Variants in RAG1 observed in about 807,000 individuals in gnomAD.
RAG1 encodes the protein V(D)J recombination-activating protein 1.
In RAG1, 35 loss-of-function variants were observed where a neutral mutation model predicts 62.7. That is an observed-to-expected ratio of 0.56 (90% CI 0.43 to 0.74). RAG1 has a LOEUF of 0.74. RAG1 is among the 30% of genes least tolerant of loss of function. RAG1 has a pLI of 0.00. For synonymous variants in RAG1, 461 were observed against 470.3 expected, an observed-to-expected ratio of 0.98 and a Z score of 0.26; for missense variants, 1,169 against 1,278.6, an observed-to-expected ratio of 0.91 and a Z score of 1.31.
At chr11:36,524,107 T>C (rs902206556) in intron 2 of RAG1, among the ~76,000 whole-genome samples, 1 of 152,186 alleles carries the variant, frequency 6.6e-6, no homozygotes, top group Admixed American at 6.5e-5. Context: ...AACATTCCTG[T>C]GGCAGGTTTC....
chr11:36,569,618 A>G (rs532267338), intron 1 of RAG1, among the ~76,000 whole-genome samples: 1 of 152,382 alleles, frequency 6.6e-6, no homozygotes, highest in African/African-American at 2.4e-5. Context: ...AAAAGTGACT[A>G]TGAGCACATA....
chr11:36,521,378 A>G (rs1224831377), intron 2 of RAG1, among the ~76,000 whole-genome samples: 1 of 152,090 alleles, frequency 6.6e-6, no homozygotes. Flanking sequence ...AATGAGTCTC[A>G]CTAAATCTGA....
chr11:36,574,154 C>T lies in RAG1; in HGVS notation c.850C>T (p.Pro284Ser), dbSNP rs768862261. 1.1e-5 allele frequency: 18 copies of T among 1,614,192 alleles called. No individual in the cohort carries two copies. In the Admixed American group the frequency reaches 2.8e-4, roughly 25 times the overall value. Residue 284 changes from proline (P) to serine (S), a missense_variant, in exon 2 of 2, where the codon CCA becomes TCA. This residue lies in a region of RAG1 where 800 missense variants were observed against 943.3 expected (regional missense o/e 0.85). Transcript: ENST00000299440. ...TACCAAGCTCCTTGCAGTGGACTTC[C>T]CAGAGCACTTTGTGAAATCCATCTC... Reference protein sequence around the residue: ...LSTKLLAVDFPEHFVKSISCQ... With the variant: ...LSTKLLAVDFSEHFVKSISCQ...
At chr11:36,531,331 A>C (rs975379831) in intron 2 of RAG1, among the ~76,000 whole-genome samples, 1 of 151,846 alleles carries the variant, frequency 6.6e-6, no homozygotes, top group Non-Finnish European at 1.5e-5. Flanking sequence ...TCTTAATGTA[A>C]TTATTGGTAT....
chr11:36,565,382 T>C (rs1396639258), upstream of RAG1, among the ~76,000 whole-genome samples: 1 of 152,044 alleles, frequency 6.6e-6, no homozygotes, highest in Non-Finnish European at 1.5e-5. Context: ...GGGTTGGGGC[T>C]TGGATGGAGA....
At position 36,525,382 on chromosome 11, in the gene RAG1, T is replaced by C. The variant is rs565467025; in HGVS notation, n.428+5153T>C. Among the ~76,000 whole-genome samples the C allele has an allele frequency of 1.4e-4, 21 of 152,294 alleles. No individual in the cohort carries two copies. In the South Asian group the frequency reaches 3.3e-3, roughly 24 times the overall value. ...AACTTCCCTAAGCTCTTTTAGTTCG[T>C]TTACCTTCCATATAAATTTTAGAAT... is the stretch of plus-strand genomic sequence containing the variant. On this transcript the variant is annotated intron_variant and non_coding_transcript_variant, in intron 2 of 2. Coordinates refer to the RAG1 transcript ENST00000529126.
intron 3 of RAG1, among the ~76,000 whole-genome samples, chr11:36,562,414 C>T (rs1264224725): frequency 2.6e-5 from 4 of 152,166 alleles, no homozygotes; most frequent in Non-Finnish European, 5.9e-5. Flanking sequence ...TTATTCTCAA[C>T]TTCAAATGAG....
chr11:36,530,189 G>A (rs1394200422), intron 2 of RAG1, among the ~76,000 whole-genome samples: 1 of 151,196 alleles, frequency 6.6e-6, no homozygotes, highest in Non-Finnish European at 1.5e-5. Context: ...TCCTGACATT[G>A]GTAACTTATT....
chr11:36,530,374 T>A (rs1371090332), intron 2 of RAG1, among the ~76,000 whole-genome samples: 1 of 151,884 alleles, frequency 6.6e-6, no homozygotes, highest in Non-Finnish European at 1.5e-5. Flanking sequence ...TTGCTTTGAC[T>A]TTATTTTTCT....
In RAG1 at chr11:36,576,504, C is replaced by G; in HGVS notation, c.*68C>G. On this transcript the variant is annotated 3_prime_UTR_variant, in exon 2 of 2. Coordinates refer to ENST00000299440, the MANE Select transcript of RAG1 (RefSeq NM_000448.3). ...CCTCTGGGTTGCATTGAGGGCTTCT[C>G]CTAGCACCCTTTACTGCTGTGTATG... 1 of 1,566,524 alleles carries G rather than the reference C, an allele frequency of 6.4e-7. No individual in the cohort carries two copies. The highest frequency in any genetic ancestry group is 1.1e-5 in the South Asian group (1 of 89,514).
chr11:36,549,110 AC>A, intron 3 of RAG1, among the ~76,000 whole-genome samples: 1 of 152,336 alleles, frequency 6.6e-6, no homozygotes. Flanking sequence ...TACACCTTAT[AC>A]AAAAATTAAC....
upstream of RAG1, among the ~76,000 whole-genome samples, chr11:36,567,770 C>T (rs540610937): frequency 6.6e-6 from 1 of 152,144 alleles, no homozygotes; most frequent in Non-Finnish European, 1.5e-5. Flanking sequence ...CTGACAAGAC[C>T]ATTTCCAACC....
intron 1 of RAG1, among the ~76,000 whole-genome samples, chr11:36,518,402 T>C (rs1255477513): frequency 1.3e-5 from 2 of 152,236 alleles, no homozygotes; most frequent in East Asian, 1.9e-4. Flanking sequence ...TCTAGATCCC[T>C]GAGGAATCGC....
At chr11:36,515,254 C>T (rs1241844507) in intron 1 of RAG1, among the ~76,000 whole-genome samples, 1 of 151,360 alleles carries the variant, frequency 6.6e-6, no homozygotes, top group Non-Finnish European at 1.5e-5. Flanking sequence ...AAGTATAGAC[C>T]AAGAAAGAAT....
chr11:36,525,613 C>A (rs331441), intron 2 of RAG1, among the ~76,000 whole-genome samples: 138 of 151,958 alleles, frequency 9.1e-4, no homozygotes, highest in Non-Finnish European at 1.5e-3. Flanking sequence ...TTACATGTTT[C>A]GTACGTGTTT....
intron 1 of RAG1, among the ~76,000 whole-genome samples, chr11:36,569,312 G>C (rs1447994769): frequency 6.6e-6 from 1 of 152,234 alleles, no homozygotes; most frequent in Non-Finnish European, 1.5e-5. Context: ...GCAGTGGCCG[G>C]TGGGGACAGG....
chr11:36,543,414 C>T (rs756780022), intron 3 of RAG1, among the ~76,000 whole-genome samples: 9 of 152,238 alleles, frequency 5.9e-5, no homozygotes, highest in East Asian at 1.9e-4. Flanking sequence ...GGCCACATGC[C>T]GGCATGCCAT....
At chr11:36,558,833 C>A (rs146965364) in intron 3 of RAG1, among the ~76,000 whole-genome samples, 398 of 152,260 alleles carry the variant, frequency 2.6e-3, no homozygotes, top group African/African-American at 8.5e-3. Flanking sequence ...TTTTGCATTT[C>A]TCTTCCTCGT....
At chr11:36,521,219 A>G (rs1254540079) in intron 2 of RAG1, among the ~76,000 whole-genome samples, 3 of 151,904 alleles carry the variant, frequency 2.0e-5, no homozygotes, top group African/African-American at 7.3e-5. Flanking sequence ...TCAGCCTCCC[A>G]AAGTGCTGGG....
Sources: gnomAD v4.1 joint callset for allele counts (sites outside exome capture counted in the v4.1 genomes callset) on GRCh38, gnomAD v4.1.1 for gene constraint, gnomAD v4.1.1 regional missense constraint, MANE v1.5 for transcripts, NCBI Gene and HGNC (gene_info 2026-07-23, HGNC 2026-07-21) for gene names.